Variants in ATP8A2 observed in about 807,000 individuals in gnomAD.
ATP8A2 encodes ATPase phospholipid transporting 8A2.
Under a neutral mutation model 165.6 loss-of-function variants are expected in ATP8A2, and 100 were observed. The observed-to-expected ratio is 0.60, with a 90% CI of 0.51 to 0.71. The LOEUF (loss-of-function observed/expected upper bound fraction) is 0.71, where lower values mean the gene tolerates loss of function less well. Among genes scored for constraint, ATP8A2 ranks in the 30% least tolerant of loss-of-function variants. The pLI is 0.00. For synonymous variants in ATP8A2, 543 were observed against 548.8 expected (o/e 0.99, Z 0.15); for missense variants, 1,227 against 1,479.5 (o/e 0.83, Z 2.80).
intron 18 of ATP8A2, among the ~76,000 whole-genome samples, chr13:25,574,105 T>C (rs550608662): frequency 1.3e-5 from 2 of 152,264 alleles, no homozygotes; most frequent in African/African-American, 2.4e-5. Context: ...AAAGATTAGA[T>C]TAAAAATCTG....
chr13:25,520,004 A>G (rs900418702), intron 2 of ATP8A2, among the ~76,000 whole-genome samples: 2 of 152,246 alleles, frequency 1.3e-5, no homozygotes, highest in East Asian at 1.9e-4. Flanking sequence ...AGATCAAATC[A>G]AGGTAATTGG....
chr13:25,865,223 T>C (rs921586786), intron 33 of ATP8A2, among the ~76,000 whole-genome samples: 4 of 152,128 alleles, frequency 2.6e-5, no homozygotes, highest in African/African-American at 9.7e-5. Flanking sequence ...GGGGTCTAGG[T>C]TGGTAACTGC....
At chr13:25,375,584 T>A (rs890892439) in intron 1 of ATP8A2, among the ~76,000 whole-genome samples, 10 of 108,746 alleles carry the variant, frequency 9.2e-5, no homozygotes, top group Admixed American at 6.7e-4. Flanking sequence ...CTACAAATAT[T>A]CTTTTTTTTT....
intron 25 of ATP8A2, among the ~76,000 whole-genome samples, chr13:25,760,429 G>T (rs545411888): frequency 6.6e-6 from 1 of 152,122 alleles, no homozygotes; most frequent in Non-Finnish European, 1.5e-5. Flanking sequence ...GAATTTAGAC[G>T]CCATATAAAG....
At chr13:25,678,667 T>A in intron 24 of ATP8A2, among the ~76,000 whole-genome samples, 1 of 152,152 alleles carries the variant, frequency 6.6e-6, no homozygotes, top group East Asian at 1.9e-4. Flanking sequence ...AAAGCCTTGT[T>A]TGGAAAGACA....
intron 24 of ATP8A2, among the ~76,000 whole-genome samples, chr13:25,632,630 T>G (rs2041269860): frequency 6.6e-6 from 1 of 152,210 alleles, no homozygotes; most frequent in African/African-American, 2.4e-5. Context: ...TTCACCTGAT[T>G]GGCTTCCGCT....
At chr13:25,796,456 G>A (rs1011276728) in intron 27 of ATP8A2, among the ~76,000 whole-genome samples, 10 of 152,142 alleles carry the variant, frequency 6.6e-5, no homozygotes, top group African/African-American at 2.4e-4. Flanking sequence ...CGTGAGTACT[G>A]GAGTTCCAAA....
At chr13:25,960,370 G>A (rs1035990379) in intron 33 of ATP8A2, among the ~76,000 whole-genome samples, 2 of 152,144 alleles carry the variant, frequency 1.3e-5, no homozygotes, top group South Asian at 2.1e-4. Flanking sequence ...GCCTCCAGGA[G>A]TCTTAGACCC....
intron 28 of ATP8A2, among the ~76,000 whole-genome samples, chr13:25,835,163 T>C (rs1282121446): frequency 6.6e-6 from 1 of 152,140 alleles, no homozygotes; most frequent in Non-Finnish European, 1.5e-5. Context: ...ACATCACATG[T>C]ACACATGGAT....
intron 1 of ATP8A2, among the ~76,000 whole-genome samples, chr13:25,459,994 G>A (rs35035678): frequency 0.041 from 6,285 of 152,256 alleles, 168 homozygotes; most frequent in East Asian, 0.092. Context: ...CTGAGGTCAG[G>A]AGTTCAATAC....
intron 17 of ATP8A2, 88 bp downstream of exon 17, chr13:25,570,960 C>G: frequency 1.1e-6 from 1 of 944,066 alleles, no homozygotes; most frequent in Non-Finnish European, 1.6e-6. Flanking sequence ...GCCATGTAGT[C>G]CGTCCCACAG....
chr13:25,449,944 C>G (rs1408275642), intron 1 of ATP8A2, among the ~76,000 whole-genome samples: 1 of 151,918 alleles, frequency 6.6e-6, no homozygotes, highest in Non-Finnish European at 1.5e-5. Flanking sequence ...AGCCTAGTAC[C>G]CATCAGCTAT....
rs560470835 is a variant in ATP8A2 at position 25,988,658 on chromosome 13, C to G, written c.3377+19979C>G. Among the ~76,000 whole-genome samples, 13 of 152,296 alleles carry G rather than the reference C, an allele frequency of 8.5e-5. No homozygotes were observed. The East Asian group carries it at 2.5e-3, about 29-fold the overall frequency. On this transcript the variant is annotated intron_variant, in intron 35 of 36. Transcript: ENST00000381655. ...CCCAGGACTGCTAATTCATTCACCC[C>G]TTTGTGACAGCTTATTTACCCACAC...
At position 25,828,488 on chromosome 13, in the gene ATP8A2, G is replaced by A. The variant is rs551692246; in HGVS notation, c.2754+296G>A. 8.5e-5 allele frequency among the ~76,000 whole-genome samples: 13 copies of A among 152,218 alleles called. No individual in the cohort carries two copies. The South Asian group carries it at 2.3e-3, about 27-fold the overall frequency. On this transcript the variant is annotated intron_variant, in intron 28 of 36. Transcript: ENST00000381655. ...TACTACATGCCTGTGCAACACTTTC[G>A]TGTTTTTAGCTCAAGTACAAATTTC... is the stretch of plus-strand genomic sequence containing the variant.
intron 4 of ATP8A2, among the ~76,000 whole-genome samples, chr13:25,531,264 TATATATG>T (rs1442678300): frequency 1.0e-5 from 1 of 99,014 alleles, no homozygotes; most frequent in South Asian, 3.0e-4. Flanking sequence ...ATATATATGA[TATATATG>T]ATATATATGT....
At chr13:25,610,061 G>A (rs1204788552) in intron 24 of ATP8A2, among the ~76,000 whole-genome samples, 1 of 151,986 alleles carries the variant, frequency 6.6e-6, no homozygotes, top group Non-Finnish European at 1.5e-5. Context: ...CCATTCTGTG[G>A]GTTGTGTGTT....
At chr13:25,433,308 T>C (rs1038394609) in intron 1 of ATP8A2, among the ~76,000 whole-genome samples, 2 of 152,232 alleles carry the variant, frequency 1.3e-5, no homozygotes, top group African/African-American at 4.8e-5. Flanking sequence ...GCTGTCTTTC[T>C]GTCTCCCAGG....
At chr13:25,770,264 G>T (rs2044590661) in intron 26 of ATP8A2, among the ~76,000 whole-genome samples, 1 of 152,216 alleles carries the variant, frequency 6.6e-6, no homozygotes, top group East Asian at 1.9e-4. Flanking sequence ...GAGGCTACGA[G>T]ATTCTGACCT....
rs1481870856 is a variant in ATP8A2, at chr13:25,953,749, G to A, written c.3184-7826G>A. 2.0e-5 allele frequency among the ~76,000 whole-genome samples: 3 copies of A among 152,166 alleles called. No individual in the cohort carries two copies. The highest frequency in any genetic ancestry group is 6.5e-5 in the Admixed American group (1 of 15,282). ...GTTGCCTCACCCGGGAAGCACAGGG[G>A]ATTGAGGAACTCCCTCCCCTAGCCG... is the stretch of plus-strand genomic sequence containing the variant. On this transcript the variant is annotated intron_variant, in intron 33 of 36. Transcript: ENST00000381655. The surrounding 1 kb of genome is among the most constrained non-coding windows in gnomAD (Gnocchi z 6.7).
Sources: gnomAD v4.1 joint callset for allele counts (sites outside exome capture counted in the v4.1 genomes callset) on GRCh38, gnomAD v4.1.1 for gene constraint, Gnocchi (gnomAD v3.1) non-coding constraint, MANE v1.5 for transcripts, NCBI Gene and HGNC (gene_info 2026-07-23, HGNC 2026-07-21) for gene names.